RIMS2: variants seen among roughly 807,000 people sequenced by gnomAD.
RIMS2 encodes regulating synaptic membrane exocytosis 2.
Under a neutral mutation model 174.4 loss-of-function variants are expected in RIMS2, and 59 were observed. That is an observed-to-expected ratio of 0.34 (90% CI 0.27 to 0.42). The LOEUF is 0.42. Among genes scored for constraint, RIMS2 ranks in the 10% least tolerant of loss-of-function variants. RIMS2 has a pLI of 1.00. For synonymous variants in RIMS2, 606 were observed against 572.5 expected, an observed-to-expected ratio of 1.06 and a Z score of -0.84; for missense variants, 1,620 against 1,666.3, an observed-to-expected ratio of 0.97 and a Z score of 0.48.
chr8:103,616,980 C>G (rs796098693), intron 1 of RIMS2, among the ~76,000 whole-genome samples: 4 of 152,212 alleles, frequency 2.6e-5, no homozygotes, highest in Admixed American at 1.3e-4. Context: ...GCTATTCTTA[C>G]CAAGCCACCA....
At chr8:104,161,636 G>A (rs776128697) in intron 19 of RIMS2, among the ~76,000 whole-genome samples, 19 of 152,146 alleles carry the variant, frequency 1.2e-4, no homozygotes, top group Non-Finnish European at 2.6e-4. Flanking sequence ...GTTTCCTATT[G>A]AGGCCGTAAC....
chr8:103,846,987 C>T (rs992712098), intron 3 of RIMS2, among the ~76,000 whole-genome samples: 1 of 152,066 alleles, frequency 6.6e-6, no homozygotes, highest in African/African-American at 2.4e-5. Flanking sequence ...CTCCCATACC[C>T]ATTTTGTAAC....
chr8:103,947,986 A>G (rs1051988259), intron 14 of RIMS2, among the ~76,000 whole-genome samples: 1 of 152,210 alleles, frequency 6.6e-6, no homozygotes, highest in African/African-American at 2.4e-5. Context: ...GAGCCCTTAA[A>G]ATGCAATAAT....
chr8:103,729,000 C>T (rs1418107533), intron 2 of RIMS2, among the ~76,000 whole-genome samples: 1 of 151,862 alleles, frequency 6.6e-6, no homozygotes, highest in Non-Finnish European at 1.5e-5. Flanking sequence ...AGAATTTTTG[C>T]ATCAATGTTC....
At chr8:103,796,057 A>T (rs993019157) in intron 3 of RIMS2, among the ~76,000 whole-genome samples, 1 of 152,102 alleles carries the variant, frequency 6.6e-6, no homozygotes, top group Admixed American at 6.6e-5. Flanking sequence ...ATTTTATAAT[A>T]TGTACATATT....
chr8:103,771,251 GT>G (rs2098250140), intron 3 of RIMS2, among the ~76,000 whole-genome samples: 1 of 152,066 alleles, frequency 6.6e-6, no homozygotes, highest in South Asian at 2.1e-4. Context: ...TTTCAAGTAT[GT>G]TTTTATTTCA....
chr8:103,686,457 G>C (rs1463076446), intron 1 of RIMS2, among the ~76,000 whole-genome samples: 1 of 152,148 alleles, frequency 6.6e-6, no homozygotes, highest in Admixed American at 6.6e-5. Flanking sequence ...TGTGATGTTA[G>C]TGGTAGACTG....
chr8:104,201,455 T>A (rs1395621622), intron 19 of RIMS2, among the ~76,000 whole-genome samples: 3 of 152,210 alleles, frequency 2.0e-5, no homozygotes, highest in African/African-American at 4.8e-5. Flanking sequence ...AAGAATATAG[T>A]CATAAAAGCT....
intron 9 of RIMS2, chr8:103,918,722 T>G (rs2077071084): frequency 2.1e-6 from 1 of 473,078 alleles, no homozygotes; most frequent in South Asian, 2.8e-5. Context: ...TAGATAGCAT[T>G]ATTAAGGTAT....
intron 3 of RIMS2, among the ~76,000 whole-genome samples, chr8:103,876,451 A>G (rs1258539844): frequency 6.6e-6 from 1 of 151,428 alleles, no homozygotes; most frequent in African/African-American, 2.4e-5. Flanking sequence ...ATTTTTTTAA[A>G]TTTTTTGTTT....
chr8:103,602,495 C>G (rs766927898), intron 1 of RIMS2, among the ~76,000 whole-genome samples: 2 of 151,762 alleles, frequency 1.3e-5, no homozygotes, highest in Non-Finnish European at 2.9e-5. Context: ...GTCTTTTGTT[C>G]CCCTCCTAGT....
chr8:103,863,721 G>T (rs1171205888), intron 3 of RIMS2, among the ~76,000 whole-genome samples: 2 of 151,828 alleles, frequency 1.3e-5, no homozygotes, highest in Admixed American at 6.6e-5. Flanking sequence ...GTTTGTATGT[G>T]TACAGATGTT....
At chr8:104,132,500 G>A (rs547272154) in intron 19 of RIMS2, among the ~76,000 whole-genome samples, 39 of 152,174 alleles carry the variant, frequency 2.6e-4, no homozygotes, top group Admixed American at 6.5e-4. Context: ...CTTTTAATAG[G>A]CCAAATACTT....
At chr8:104,186,366 G>C (rs913738578) in intron 19 of RIMS2, among the ~76,000 whole-genome samples, 7 of 151,590 alleles carry the variant, frequency 4.6e-5, no homozygotes, top group African/African-American at 1.7e-4. Context: ...CTTCTACCTG[G>C]TAAATTTATA....
chr8:103,915,466 C>T (rs1038173014), intron 6 of RIMS2, 29 bp from the exon 10 acceptor site: 21 of 1,319,878 alleles, frequency 1.6e-5, no homozygotes, highest in Admixed American at 1.3e-4. Flanking sequence ...AACAATATTC[C>T]CATGTTAATA....
At chr8:104,193,038 T>C (rs1270438111) in intron 19 of RIMS2, among the ~76,000 whole-genome samples, 1 of 151,852 alleles carries the variant, frequency 6.6e-6, no homozygotes, top group Non-Finnish European at 1.5e-5. Flanking sequence ...AAGAGTCTGC[T>C]TTTTCTCCTC....
rs574468341 is a variant in RIMS2, at chr8:103,618,425, T to C, written c.177-78661T>C. Among the ~76,000 whole-genome samples, 4 of 152,196 alleles carry C rather than the reference T, an allele frequency of 2.6e-5. 1 individual carries two copies. Among genetic ancestry groups the C allele is most frequent in the African/African-American group, 9.6e-5 (4 of 41,548 alleles). ...CACAGTACAGCATATCATTAATTTG[T>C]AAATTGGCAGTACAGCCAGTGTATG... On this transcript the variant is annotated intron_variant, in intron 1 of 23. Coordinates refer to ENST00000504942, the Ensembl canonical transcript of RIMS2.
intron 15 of RIMS2, among the ~76,000 whole-genome samples, chr8:103,968,898 A>T (rs1186575592): frequency 1.3e-5 from 2 of 151,882 alleles, no homozygotes; most frequent in African/African-American, 4.8e-5. Context: ...ATATTGTTCT[A>T]CTGGCAACAA....
chr8:104,126,179 T>C (rs566095157), intron 19 of RIMS2, among the ~76,000 whole-genome samples: 19 of 152,276 alleles, frequency 1.2e-4, no homozygotes, highest in African/African-American at 4.3e-4. Flanking sequence ...ATTTACTTAA[T>C]GAAAATTAAT....
Sources: gnomAD v4.1 joint callset for allele counts (sites outside exome capture counted in the v4.1 genomes callset) on GRCh38, gnomAD v4.1.1 for gene constraint, MANE v1.5 for transcripts, NCBI Gene and HGNC (gene_info 2026-07-23, HGNC 2026-07-21) for gene names.